GSE1: variants seen among roughly 807,000 people sequenced by gnomAD.
GSE1 encodes the protein Gse1 coiled-coil protein.
GSE1 carries 32 observed loss-of-function variants against 112.6 expected under a neutral mutation model. The observed-to-expected ratio is 0.28, with a 90% CI of 0.21 to 0.38. The LOEUF is 0.38. GSE1 is among the 10% of genes least tolerant of loss of function. The pLI, the probability that GSE1 is intolerant of heterozygous loss-of-function variation, is 1.00. For missense variants in GSE1, 2,348 were observed against 1,699.2 expected (o/e 1.38, Z -6.71); for synonymous variants, 1,115 against 735.6 (o/e 1.52, Z -8.35).
intron 2 of GSE1, among the ~76,000 whole-genome samples, chr16:85,425,371 TG>T (rs1370917705): frequency 1.3e-5 from 2 of 151,622 alleles, no homozygotes; most frequent in Non-Finnish European, 2.9e-5. Flanking sequence ...GTGGAGTTGC[TG>T]GACCCAGAGG....
At chr16:85,658,861 T>C (rs1169858344) in intron 8 of GSE1, among the ~76,000 whole-genome samples, 3 of 152,164 alleles carry the variant, frequency 2.0e-5, no homozygotes, top group Non-Finnish European at 4.4e-5. Context: ...TGCCCACCCA[T>C]GGACTGCTTC....
At chr16:85,326,265 T>G (rs1277888040) in intron 1 of GSE1, among the ~76,000 whole-genome samples, 1 of 152,202 alleles carries the variant, frequency 6.6e-6, no homozygotes, top group African/African-American at 2.4e-5. Context: ...CCGCCTGGTT[T>G]GAATCTCACT....
chr16:85,536,442 G>C (rs2044329433), intron 2 of GSE1, among the ~76,000 whole-genome samples: 1 of 152,236 alleles, frequency 6.6e-6, no homozygotes, highest in South Asian at 2.1e-4. Context: ...AGGGTCTCCA[G>C]GGTGTTCCCT....
In GSE1 at chr16:85,666,047, C is replaced by G. The variant is rs944689399; in HGVS notation, c.2830C>G (p.Pro944Ala). ...TGTTGCTGCTTCCTTGTCTGACATC[C>G]CAAAGGCCGCGGAGCCTGGGAAGCT... is the stretch of plus-strand genomic sequence containing the variant. Reference protein sequence around the residue: ...VGVAASLSDIPKAAEPGKLEQ... With the variant: ...VGVAASLSDIAKAAEPGKLEQ... Residue 944 changes from proline (P) to alanine (A), a missense_variant, in exon 13 of 16, where the codon CCA (proline) becomes GCA (alanine). Transcript: ENST00000253458. The G allele has an allele frequency of 6.2e-7, 1 of 1,613,668 alleles. No homozygotes were observed. The highest frequency in any genetic ancestry group is 1.1e-5 in the South Asian group (1 of 91,086).
chr16:85,452,152 G>T (rs1056743852), intron 2 of GSE1, among the ~76,000 whole-genome samples: 8 of 152,220 alleles, frequency 5.3e-5, no homozygotes, highest in Non-Finnish European at 1.2e-4. Flanking sequence ...TGGGAGTGCT[G>T]AAGCCGTTTG....
chr16:85,214,336 CAT>C (rs2075275210), intron 1 of GSE1, among the ~76,000 whole-genome samples: 1 of 152,190 alleles, frequency 6.6e-6, no homozygotes, highest in South Asian at 2.1e-4. Context: ...AGGGTGAAGT[CAT>C]ACTGGATTTG....
intron 1 of GSE1, among the ~76,000 whole-genome samples, chr16:85,562,396 T>C (rs1318526052): frequency 6.6e-6 from 1 of 152,208 alleles, no homozygotes; most frequent in African/African-American, 2.4e-5. Flanking sequence ...AAGGTTTTTT[T>C]CTTGCTTAAA....
chr16:85,637,281 T>C lies in GSE1; in HGVS notation c.226+3149T>C, dbSNP rs61995935. ...GCTGGCGCGGTGCGTGTCTGGACCC[T>C]GAGCGTGACATCTCCTGGTCCTTGT... On this transcript the variant is annotated intron_variant, in intron 2 of 15. Transcript: ENST00000253458. Among the ~76,000 whole-genome samples the C allele has an allele frequency of 8.1e-3, 1,241 of 152,352 alleles. 14 individuals carry two copies. The highest frequency in any genetic ancestry group is 0.013 in the Non-Finnish European group (907 of 68,026).
At chr16:85,598,847 C>T (rs920751071) in intron 1 of GSE1, among the ~76,000 whole-genome samples, 1 of 152,242 alleles carries the variant, frequency 6.6e-6, no homozygotes, top group African/African-American at 2.4e-5. Context: ...GAGGACATGG[C>T]CCCTTGTTTG....
chr16:85,580,489 A>T (rs1315412341), intron 1 of GSE1, among the ~76,000 whole-genome samples: 1 of 152,076 alleles, frequency 6.6e-6, no homozygotes, highest in Admixed American at 6.5e-5. Context: ...AGCCTCTCAG[A>T]CCTCTGCTCT....
chr16:85,593,534 CCTT>C (rs1021280306), intron 1 of GSE1: 1 of 152,704 alleles, frequency 6.5e-6, no homozygotes, highest in Non-Finnish European at 1.5e-5. Context: ...CCTTGCTTCT[CCTT>C]CTCCTTCCTG....
chr16:85,420,379 G>A (rs943364804), intron 2 of GSE1, among the ~76,000 whole-genome samples: 5 of 152,114 alleles, frequency 3.3e-5, no homozygotes, highest in African/African-American at 4.8e-5. Context: ...TCTAAGCCAC[G>A]CAGTTTGTAG....
At chr16:85,610,895 G>A (rs2047940668), upstream of GSE1, among the ~76,000 whole-genome samples, 1 of 152,248 alleles carries the variant, frequency 6.6e-6, no homozygotes, top group Non-Finnish European at 1.5e-5. Context: ...AGATGTATAC[G>A]CCGGAGGGAT....
chr16:85,652,404 C>T lies in GSE1; in HGVS notation c.427-1874C>T, dbSNP rs181324262. 4.8e-3 allele frequency among the ~76,000 whole-genome samples: 736 copies of T among 152,348 alleles called. 3 individuals carry two copies. The highest frequency in any genetic ancestry group is 0.017 in the African/African-American group (701 of 41,578). ...CCGGCCCCACGCAGGGCGTCAGTGC[C>T]CATGTGTACCTCCCACCCTCGAGAC... is the stretch of plus-strand genomic sequence containing the variant. On this transcript the variant is annotated intron_variant, in intron 3 of 15. Coordinates refer to ENST00000253458, the MANE Select transcript of GSE1 (RefSeq NM_014615.5).
chr16:85,650,704 T>C (rs755293910), intron 3 of GSE1, among the ~76,000 whole-genome samples: 10 of 152,066 alleles, frequency 6.6e-5, no homozygotes, highest in Non-Finnish European at 1.2e-4. Flanking sequence ...GCAGCTGGAT[T>C]AGCAGGTGAT....
At chr16:85,546,588 T>G (rs574031864) in intron 2 of GSE1, among the ~76,000 whole-genome samples, 3 of 152,344 alleles carry the variant, frequency 2.0e-5, no homozygotes, top group African/African-American at 7.2e-5. Flanking sequence ...CTTCAGTATC[T>G]GTACTCAGAG....
At chr16:85,639,400 T>A (rs2050258993) in intron 2 of GSE1, among the ~76,000 whole-genome samples, 1 of 152,136 alleles carries the variant, frequency 6.6e-6, no homozygotes, top group African/African-American at 2.4e-5. Context: ...ATCTGAAACC[T>A]CAGCCTAGGA....
Position 85,184,990 on chromosome 16 carries a change from G to A in GSE1, c.2283+13183G>A, listed in dbSNP as rs368967642. 6.6e-5 allele frequency: 10 copies of A among 152,280 alleles called. No homozygotes were observed. In the East Asian group the frequency reaches 1.9e-3, roughly 29 times the overall value. The allele number at this position is 152,280 out of a possible 1,614,324, so 9.4% of individuals were successfully genotyped here. A position where few individuals can be genotyped will look rare whatever the true frequency, so the allele number is the denominator to read the frequency against. ...TGTCTAGGTCATTAACTTTTTTTGT[G>A]TGTGTCTATCAGTTGCTAAGAAAAG... On this transcript the variant is annotated intron_variant, in intron 1 of 2. Coordinates refer to the GSE1 transcript ENST00000637419.
At chr16:85,649,338 C>G (rs996414396) in intron 3 of GSE1, among the ~76,000 whole-genome samples, 1 of 152,214 alleles carries the variant, frequency 6.6e-6, no homozygotes, top group Non-Finnish European at 1.5e-5. Context: ...ACGCTGAGCA[C>G]CCGGCACACT....
Sources: gnomAD v4.1 joint callset for allele counts (sites outside exome capture counted in the v4.1 genomes callset) on GRCh38, gnomAD v4.1.1 for gene constraint, MANE v1.5 for transcripts, NCBI Gene and HGNC (gene_info 2026-07-23, HGNC 2026-07-21) for gene names.